Variants in GPC6 observed in about 807,000 individuals in gnomAD.
GPC6 encodes the protein glypican-6.
In GPC6, 14 loss-of-function variants were observed where a neutral mutation model predicts 55.2. That is an observed-to-expected ratio of 0.25 (90% CI 0.17 to 0.40). GPC6 has a LOEUF of 0.40. Among genes scored for constraint, GPC6 ranks in the 10% least tolerant of loss-of-function variants. GPC6 has a pLI of 1.00. For missense variants in GPC6, 641 were observed against 708.5 expected, an observed-to-expected ratio of 0.90 and a Z score of 1.08; for synonymous variants, 278 against 259.6, an observed-to-expected ratio of 1.07 and a Z score of -0.68.
intron 2 of GPC6, among the ~76,000 whole-genome samples, chr13:93,703,798 A>G (rs1473746787): frequency 6.6e-6 from 1 of 152,012 alleles, no homozygotes; most frequent in East Asian, 1.9e-4. Flanking sequence ...GTGATTTTAT[A>G]GAACAGATGA....
At chr13:93,801,536 C>T (rs1395430032) in intron 2 of GPC6, among the ~76,000 whole-genome samples, 1 of 152,110 alleles carries the variant, frequency 6.6e-6, no homozygotes, top group Non-Finnish European at 1.5e-5. Context: ...CCCAAATCCT[C>T]CAGGGACATT....
intron 4 of GPC6, among the ~76,000 whole-genome samples, chr13:94,193,409 G>A (rs1011266910): frequency 9.2e-5 from 14 of 152,042 alleles, no homozygotes; most frequent in African/African-American, 3.1e-4. Flanking sequence ...AGTGGGAGGG[G>A]GCCGCCATTC....
intron 4 of GPC6, among the ~76,000 whole-genome samples, chr13:94,029,229 G>A (rs1883020973): frequency 6.6e-6 from 1 of 152,150 alleles, no homozygotes; most frequent in African/African-American, 2.4e-5. Context: ...AAAGGCCAGA[G>A]GAAATGGTTT....
intron 1 of GPC6, among the ~76,000 whole-genome samples, chr13:93,302,266 C>T (rs1272707301): frequency 2.6e-5 from 4 of 152,090 alleles, no homozygotes; most frequent in African/African-American, 9.7e-5. Flanking sequence ...TGCCCTCTGT[C>T]ATTTTGATGG....
At chr13:94,063,710 G>C (rs911461613) in intron 4 of GPC6, among the ~76,000 whole-genome samples, 8 of 152,082 alleles carry the variant, frequency 5.3e-5, no homozygotes, top group African/African-American at 1.9e-4. Context: ...TTCACATCAG[G>C]AAAACACTGA....
chr13:94,025,098 T>A lies in GPC6; in HGVS notation c.712-2631T>A, dbSNP rs17253483. ...CCCAATATTGGCAAATGCTCTAGGT[T>A]CTAATACCAGAACACTGAGTGAGAA... On this transcript the variant is annotated intron_variant, in intron 3 of 8. Transcript: ENST00000377047. Among the ~76,000 whole-genome samples the A allele has an allele frequency of 2.2e-3, 338 of 152,328 alleles. 4 individuals carry two copies. The East Asian group carries it at 0.029, about 13-fold the overall frequency.
At chr13:93,975,776 A>C (rs971802985) in intron 3 of GPC6, among the ~76,000 whole-genome samples, 1 of 152,162 alleles carries the variant, frequency 6.6e-6, no homozygotes. Flanking sequence ...TCTCAAGTCC[A>C]GGACATTTTG....
At chr13:93,473,317 A>G (rs1879191452) in intron 1 of GPC6, among the ~76,000 whole-genome samples, 1 of 152,178 alleles carries the variant, frequency 6.6e-6, no homozygotes, top group Non-Finnish European at 1.5e-5. Context: ...TGGTGCCCAA[A>G]GTATGGAGCA....
At chr13:93,333,473 T>C (rs191562303) in intron 1 of GPC6, among the ~76,000 whole-genome samples, 3 of 152,224 alleles carry the variant, frequency 2.0e-5, no homozygotes, top group Admixed American at 2.0e-4. Flanking sequence ...GTAAATGGGA[T>C]TGCTTTTCTG....
intron 4 of GPC6, among the ~76,000 whole-genome samples, chr13:94,043,433 C>T (rs879860458): frequency 6.6e-6 from 1 of 152,024 alleles, no homozygotes; most frequent in Non-Finnish European, 1.5e-5. Context: ...CAAATTTACA[C>T]ATACCTATCA....
At position 93,547,532 on chromosome 13, in the gene GPC6, A is replaced by C. The variant is rs149756379; in HGVS notation, c.319+2111A>C. ...TCCCTCCCTATAGGTATATAGGTAT[A>C]CTTTGAATTGTTCTAATGTGCCTAA... On this transcript the variant is annotated intron_variant, in intron 2 of 8. Transcript: ENST00000377047. Among the ~76,000 whole-genome samples, 92 of 152,262 alleles carry C rather than the reference A, an allele frequency of 6.0e-4. 2 individuals are homozygous for C. In the East Asian group the frequency reaches 0.015, roughly 26 times the overall value.
At chr13:94,006,732 G>A (rs1882034696) in intron 3 of GPC6, among the ~76,000 whole-genome samples, 1 of 152,190 alleles carries the variant, frequency 6.6e-6, no homozygotes, top group South Asian at 2.1e-4. Flanking sequence ...CTTTGGACAA[G>A]GTATTTGGCC....
chr13:93,441,350 G>T (rs2139288820), intron 1 of GPC6, among the ~76,000 whole-genome samples: 1 of 151,820 alleles, frequency 6.6e-6, no homozygotes, highest in South Asian at 2.1e-4. Context: ...ATCCTCTCCA[G>T]TACCCATTGT....
At chr13:93,773,158 A>T (rs1885356661) in intron 2 of GPC6, among the ~76,000 whole-genome samples, 1 of 152,186 alleles carries the variant, frequency 6.6e-6, no homozygotes, top group Admixed American at 6.6e-5. Flanking sequence ...AAAAAGCAAA[A>T]TGCCACTCTA....
chr13:93,496,366 C>G (rs971022134), intron 1 of GPC6, among the ~76,000 whole-genome samples: 6 of 152,208 alleles, frequency 3.9e-5, no homozygotes, highest in Non-Finnish European at 7.3e-5. Flanking sequence ...GAGGCAATGC[C>G]TCGCCCTGCT....
At chr13:93,797,962 TAAG>T (rs1320702413) in intron 2 of GPC6, among the ~76,000 whole-genome samples, 1 of 152,038 alleles carries the variant, frequency 6.6e-6, no homozygotes, top group East Asian at 1.9e-4. Context: ...TTGGGTCAGG[TAAG>T]GAGGAGAGTG....
intron 5 of GPC6, among the ~76,000 whole-genome samples, chr13:94,303,006 G>A (rs573209413): frequency 3.9e-5 from 6 of 152,352 alleles, no homozygotes; most frequent in South Asian, 2.1e-4. Context: ...GGGGCACCTC[G>A]CTGGATCAGG....
At chr13:93,543,438 G>A (rs1486753381) in intron 1 of GPC6, among the ~76,000 whole-genome samples, 1 of 151,940 alleles carries the variant, frequency 6.6e-6, no homozygotes, top group Non-Finnish European at 1.5e-5. Context: ...GTATTTTATT[G>A]AGGATTTTTG....
intron 1 of GPC6, among the ~76,000 whole-genome samples, chr13:93,246,863 A>AT (rs1292144221): frequency 2.0e-5 from 3 of 147,726 alleles, no homozygotes; most frequent in Admixed American, 6.8e-5. Context: ...CAGGCCTTAC[A>AT]TTTTTTCCTG....
Sources: gnomAD v4.1 joint callset for allele counts (sites outside exome capture counted in the v4.1 genomes callset) on GRCh38, gnomAD v4.1.1 for gene constraint, MANE v1.5 for transcripts, NCBI Gene and HGNC (gene_info 2026-07-23, HGNC 2026-07-21) for gene names.